The following ANP32B variants were observed in gnomAD, a reference collection of about 807,000 sequenced individuals.
The protein encoded by ANP32B is acidic leucine-rich nuclear phosphoprotein 32 family member B.
A neutral mutation model predicts 32.2 loss-of-function variants in ANP32B; 6 were observed. That is an observed-to-expected ratio of 0.19 (90% CI 0.10 to 0.37). The LOEUF (loss-of-function observed/expected upper bound fraction) is 0.37, where lower values mean the gene tolerates loss of function less well. ANP32B is among the 10% of genes least tolerant of loss of function. The probability of loss-of-function intolerance (pLI) is 1.00; values close to 1 mark genes in which losing one functional copy is unlikely to be tolerated. For synonymous variants in ANP32B, 98 were observed against 105.8 expected (o/e 0.93, Z 0.45); for missense variants, 204 against 289.2 (o/e 0.71, Z 2.14).
chr9:98,014,277 A>G lies in ANP32B; in HGVS notation c.689-1087A>G, dbSNP rs1051075285. Among the ~76,000 whole-genome samples the G allele has an allele frequency of 7.3e-4, 111 of 151,926 alleles. 1 individual carries two copies. The highest frequency in any genetic ancestry group is 6.9e-3 in the Admixed American group (106 of 15,258). On this transcript the variant is annotated intron_variant, in intron 6 of 6. Transcript: ENST00000339399. ...AAAAAAATTAGCCGGGTGTGGTGGCAGGCGCCTGTAGTCCCAGCTACTCGG... is the reference window on the plus strand; with the variant it reads ...AAAAAAATTAGCCGGGTGTGGTGGCGGGCGCCTGTAGTCCCAGCTACTCGG...
At chr9:98,002,632 C>A (rs1486768056) in intron 3 of ANP32B, among the ~76,000 whole-genome samples, 1 of 152,062 alleles carries the variant, frequency 6.6e-6, no homozygotes, top group Non-Finnish European at 1.5e-5. Context: ...TTCTTGCTTT[C>A]ATTTCATTTT....
chr9:98,000,397 C>G (rs759496756), intron 3 of ANP32B, among the ~76,000 whole-genome samples: 3 of 152,284 alleles, frequency 2.0e-5, no homozygotes, highest in Admixed American at 6.5e-5. Flanking sequence ...ACAGGTATAC[C>G]CAGATACTCG....
intron 1 of ANP32B, 27 bp from the exon 2 acceptor site, chr9:97,994,604 T>G: frequency 6.5e-7 from 1 of 1,547,676 alleles, no homozygotes. Flanking sequence ...TTTTGAGAGC[T>G]TATCCTTTTT....
chr9:98,011,232 T>G, intron 4 of ANP32B, 39 bp from the exon 5 acceptor site: 1 of 1,547,190 alleles, frequency 6.5e-7, no homozygotes. Context: ...CTGTGGAGCG[T>G]CGAGGATATT....
At chr9:97,996,094 T>A (rs1219535181) in intron 2 of ANP32B, among the ~76,000 whole-genome samples, 1 of 152,182 alleles carries the variant, frequency 6.6e-6, no homozygotes, top group Non-Finnish European at 1.5e-5. Flanking sequence ...CCCTTCTAAG[T>A]ATACTAGAGG....
chr9:98,003,146 G>A (rs1828022635), intron 3 of ANP32B, among the ~76,000 whole-genome samples: 1 of 152,196 alleles, frequency 6.6e-6, no homozygotes, highest in South Asian at 2.1e-4. Flanking sequence ...AAGGGCTGGG[G>A]ACAGCTTTCT....
intron 1 of ANP32B, among the ~76,000 whole-genome samples, chr9:97,984,210 G>A (rs1365231421): frequency 1.3e-5 from 2 of 150,958 alleles, no homozygotes; most frequent in Non-Finnish European, 3.0e-5. Context: ...CTGGAGGCCT[G>A]GGCGGGCGCG....
intron 3 of ANP32B, chr9:98,002,471 G>A (rs887285446): frequency 6.6e-6 from 1 of 152,140 alleles, no homozygotes; most frequent in East Asian, 1.9e-4. Flanking sequence ...GTATGGTAGA[G>A]TTGTAATTTT....
chr9:98,007,970 C>A (rs1828115078), intron 4 of ANP32B, among the ~76,000 whole-genome samples: 1 of 152,142 alleles, frequency 6.6e-6, no homozygotes, highest in Non-Finnish European at 1.5e-5. Context: ...ATAACAGTCA[C>A]CACTAGCAGA....
At chr9:98,002,677 G>GA (rs1186404461) in intron 3 of ANP32B, among the ~76,000 whole-genome samples, 4 of 152,240 alleles carry the variant, frequency 2.6e-5, no homozygotes, top group Middle Eastern at 3.4e-3. Flanking sequence ...AATTGTTTGA[G>GA]AAGGGGTGCT....
chr9:97,983,695 C>T, intron 1 of ANP32B, 86 bp downstream of exon 1: 4 of 1,144,010 alleles, frequency 3.5e-6, no homozygotes, highest in South Asian at 1.7e-5. Context: ...TGAGGGTTCG[C>T]CGGCCCCGGC....
In ANP32B at chr9:98,002,048, C is replaced by T. The variant is rs558682943; in HGVS notation, c.328-2916C>T. Among the ~76,000 whole-genome samples, 8 of 152,274 alleles carry T rather than the reference C, an allele frequency of 5.3e-5. No homozygotes were observed. The South Asian group carries it at 8.3e-4, about 16-fold the overall frequency. ...TCTGCTATACTTGGCACTCAGATTC[C>T]TGGCGGTGCTAGGTTGGTCTCCTGA... On this transcript the variant is annotated intron_variant, in intron 3 of 6. Coordinates refer to ENST00000339399, the MANE Select transcript of ANP32B (RefSeq NM_006401.3).
At position 98,011,389 on chromosome 9, in the gene ANP32B, G is replaced by A; in HGVS notation, c.636G>A (p.Glu212=). ...AGGACGACGATGAAGTCAGTGAGGA[G>A]GTCAGTGCAGCTGTTTTCTACCCTG... ...GDEDDDEVSE[E]EEEFGLDEED... is the part of the protein sequence containing the mutation. The change falls in exon 5 of 7, where the codon GAG becomes GAA. Residue 212 remains glutamate (E), a splice_region_variant and synonymous_variant. Transcript: ENST00000339399. The A allele has an allele frequency of 6.3e-7, 1 of 1,588,330 alleles. No homozygotes were observed. The highest frequency in any genetic ancestry group is 1.1e-5 in the South Asian group (1 of 87,860).
intron 1 of ANP32B, chr9:97,984,784 T>A (rs1333565554): frequency 2.0e-5 from 3 of 149,476 alleles, no homozygotes; most frequent in African/African-American, 7.3e-5. Flanking sequence ...GCGGGCGCGC[T>A]GCCGACCCCC....
chr9:97,983,997 C>G (rs902508367), intron 1 of ANP32B, among the ~76,000 whole-genome samples: 3 of 149,972 alleles, frequency 2.0e-5, no homozygotes, highest in Non-Finnish European at 1.5e-5. Context: ...CCCGGCCTGC[C>G]GAGGAGCTGC....
Position 98,008,012 on chromosome 9 carries a change from C to CTT in ANP32B, c.517+2868_517+2869dup, listed in dbSNP as rs557797672. ...TAGTAACACAGAATGAGTGGTAAAACTTTTTTTTTTAAGTTCAGGGGTACA... is the reference window on the plus strand; with the variant it reads ...TAGTAACACAGAATGAGTGGTAAAACTTTTTTTTTTTTAAGTTCAGGGGTACA... On this transcript the variant is annotated intron_variant, in intron 4 of 6. Transcript: ENST00000339399. Among the ~76,000 whole-genome samples the CTT allele has an allele frequency of 2.0e-5, 3 of 149,624 alleles. No homozygotes were observed. In the East Asian group the frequency reaches 5.9e-4, roughly 29 times the overall value.
At chr9:98,012,977 G>A (rs139149222) in intron 6 of ANP32B, among the ~76,000 whole-genome samples, 106 of 152,256 alleles carry the variant, frequency 7.0e-4, no homozygotes, top group African/African-American at 2.2e-3. Context: ...TGGTCCACCC[G>A]CCTCAGCCTC....
chr9:97,983,654 A>T (rs1316841310), intron 1 of ANP32B, 45 bp downstream of exon 1: 5 of 1,462,946 alleles, frequency 3.4e-6, no homozygotes, highest in Non-Finnish European at 4.6e-6. Flanking sequence ...GATGACTTGC[A>T]TGTAATGGTG....
Position 97,989,287 on chromosome 9 carries a change from T to A in ANP32B, c.55-5344T>A, listed in dbSNP as rs181955440. Among the ~76,000 whole-genome samples the A allele has an allele frequency of 2.4e-4, 36 of 152,276 alleles. 1 individual carries two copies. In the East Asian group the frequency reaches 6.4e-3, roughly 27 times the overall value. Reference sequence around the variant, plus strand: ...GTATTTGGCTGCAATATAGTTCAAATTTTTCAATGAAAAAGTAGTAGGAAA... The same window carrying A: ...GTATTTGGCTGCAATATAGTTCAAAATTTTCAATGAAAAAGTAGTAGGAAA... On this transcript the variant is annotated intron_variant, in intron 1 of 6. Transcript: ENST00000339399.
Sources: gnomAD v4.1 joint callset for allele counts (sites outside exome capture counted in the v4.1 genomes callset) on GRCh38, gnomAD v4.1.1 for gene constraint, MANE v1.5 for transcripts, NCBI Gene and HGNC (gene_info 2026-07-23, HGNC 2026-07-21) for gene names.